Variants in PACRGL observed in about 807,000 individuals in gnomAD.
PACRGL encodes parkin coregulated like.
A neutral mutation model predicts 34.5 loss-of-function variants in PACRGL; 38 were observed. The ratio of observed to expected loss-of-function variants is 1.10; its 90% CI spans 0.85 to 1.44. The LOEUF is 1.44. Ranked by LOEUF, PACRGL falls within the 40% of genes most tolerant of loss-of-function variation. The pLI is 0.00. For synonymous variants in PACRGL, 128 were observed against 100.1 expected (o/e 1.28, Z -1.66); for missense variants, 305 against 281.4 (o/e 1.08, Z -0.60).
At chr4:20,696,481 C>T (rs10032537), upstream of PACRGL, 24,053 of 152,164 alleles carry the variant, frequency 0.16, 2,020 homozygotes, top group South Asian at 0.23. Context: ...CTCCAAGCCT[C>T]ATCCTCTCAA....
At chr4:20,747,559 T>C (rs1377861042) in intron 8 of PACRGL, among the ~76,000 whole-genome samples, 2 of 152,166 alleles carry the variant, frequency 1.3e-5, no homozygotes, top group African/African-American at 4.8e-5. Context: ...CCATCTCCTC[T>C]CCCTCCACTA....
intron 7 of PACRGL, among the ~76,000 whole-genome samples, chr4:20,717,262 A>G (rs1015075109): frequency 6.6e-6 from 1 of 151,706 alleles, no homozygotes; most frequent in Admixed American, 6.6e-5. Context: ...GATTGCAAAA[A>G]TTTTTTCCCA....
At chr4:20,720,737 T>G (rs1742670902) in intron 7 of PACRGL, among the ~76,000 whole-genome samples, 1 of 152,150 alleles carries the variant, frequency 6.6e-6, no homozygotes, top group South Asian at 2.1e-4. Flanking sequence ...ACCCAGCCTT[T>G]CCTTCTGGCT....
At chr4:20,748,526 C>T (rs1229597515) in intron 8 of PACRGL, among the ~76,000 whole-genome samples, 1 of 142,034 alleles carries the variant, frequency 7.0e-6, no homozygotes, top group Non-Finnish European at 1.5e-5. Flanking sequence ...ATGCATCCTT[C>T]CTCACTTCCA....
At chr4:20,756,918 C>G (rs1196991319), downstream of PACRGL, among the ~76,000 whole-genome samples, 1 of 151,910 alleles carries the variant, frequency 6.6e-6, no homozygotes, top group Non-Finnish European at 1.5e-5. Context: ...TTATAATTCC[C>G]CCAGTAACCT....
At chr4:20,721,337 T>A (rs999202860) in intron 7 of PACRGL, among the ~76,000 whole-genome samples, 2 of 152,214 alleles carry the variant, frequency 1.3e-5, no homozygotes, top group Non-Finnish European at 2.9e-5. Flanking sequence ...TCAAAGTCAT[T>A]CTCCGTCCAG....
At chr4:20,739,893 C>T (rs1750636687) in intron 8 of PACRGL, among the ~76,000 whole-genome samples, 1 of 152,102 alleles carries the variant, frequency 6.6e-6, no homozygotes, top group African/African-American at 2.4e-5. Flanking sequence ...GTAGAGAAGA[C>T]CTTAAATGAC....
chr4:20,711,474 T>A (rs1737160943), intron 5 of PACRGL, among the ~76,000 whole-genome samples: 1 of 152,194 alleles, frequency 6.6e-6, no homozygotes, highest in Non-Finnish European at 1.5e-5. Context: ...CACTGCTATT[T>A]GATCCAAAAT....
Position 20,729,318 on chromosome 4 carries a change from T to TGATACTAATGATTGATAC in PACRGL, c.*1978_*1995dup. 1 of 152,146 alleles carries TGATACTAATGATTGATAC rather than the reference T, an allele frequency of 6.6e-6. No homozygotes were observed. The highest frequency in any genetic ancestry group is 2.1e-4 in the South Asian group (1 of 4,790). 9.4% of individuals were successfully genotyped at this position (152,146 alleles called of 1,614,324 possible). A position where few individuals can be genotyped will look rare whatever the true frequency, so the allele number is the denominator to read the frequency against. On this transcript the variant is annotated 3_prime_UTR_variant, in exon 9 of 9. Transcript: ENST00000503585. ...CCTTCTTCAACTTCCACTTAATGAT[T>TGATACTAATGATTGATAC]GATACTAATGATTGATACAATAGAA...
intron 1 of PACRGL, among the ~76,000 whole-genome samples, chr4:20,703,485 TG>T (rs1269308314): frequency 7.4e-6 from 1 of 135,456 alleles, no homozygotes; most frequent in African/African-American, 2.6e-5. Flanking sequence ...TGAGTGTGTG[TG>T]TGTGTGTGTG....
At chr4:20,701,835 T>C in intron 1 of PACRGL, 2 of 456,630 alleles carry the variant, frequency 4.4e-6, no homozygotes, top group Non-Finnish European at 8.8e-6. Flanking sequence ...GTCAAATCTA[T>C]AGATGTGGAA....
At chr4:20,750,674 G>A (rs1430697586) in intron 8 of PACRGL, among the ~76,000 whole-genome samples, 1 of 151,872 alleles carries the variant, frequency 6.6e-6, no homozygotes, top group Non-Finnish European at 1.5e-5. Flanking sequence ...TCTGTTCTGA[G>A]TGCCTAGCTT....
At position 20,713,479 on chromosome 4, in the gene PACRGL, T is replaced by A. The variant is rs756417213; in HGVS notation, c.549T>A (p.Val183=). Residue 183 remains valine (V), a synonymous_variant, in exon 7 of 9, where the codon GTT becomes GTA. Transcript: ENST00000503585. The part of the protein sequence containing the change: ...EVFERGLNAL[V]QLSVVVGPSL... ...TTGAAAGAGGATTGAATGCTCTAGT[T>A]CAGCTAAGTGTCGTTGTTGGTCCTT... The A allele has an allele frequency of 3.1e-6, 5 of 1,613,772 alleles. No homozygotes were observed. In the Admixed American group the frequency reaches 8.3e-5, roughly 27 times the overall value.
chr4:20,717,987 T>A (rs1240797164), intron 7 of PACRGL, among the ~76,000 whole-genome samples: 1 of 152,224 alleles, frequency 6.6e-6, no homozygotes, highest in African/African-American at 2.4e-5. Flanking sequence ...TTCTTCCATT[T>A]GTTTGTGTCC....
At chr4:20,761,719 T>C in the PACRGL span, among the ~76,000 whole-genome samples, 1 of 152,192 alleles carries the variant, frequency 6.6e-6, no homozygotes, top group Non-Finnish European at 1.5e-5. Flanking sequence ...ATTTGATAGA[T>C]ATAATGTGAA....
rs1748394187 is a variant in PACRGL, at chr4:20,732,015, G to A, written c.*4674G>A. 1 of 1,613,290 alleles carries A rather than the reference G, an allele frequency of 6.2e-7. No homozygotes were observed. The highest frequency in any genetic ancestry group is 8.5e-7 in the Non-Finnish European group (1 of 1,179,636). ...CACTTTCATTACTTACTTTTTGGCA[G>A]CTTTCAATGAACTCATCTATGGTAA... On this transcript the variant is annotated 3_prime_UTR_variant, in exon 9 of 9. Transcript: ENST00000503585.
chr4:20,765,587 G>T, the PACRGL span, among the ~76,000 whole-genome samples: 2 of 152,198 alleles, frequency 1.3e-5, no homozygotes, highest in South Asian at 4.1e-4. Flanking sequence ...TGGCTAGATA[G>T]TAATGGGCTG....
chr4:20,762,870 G>A, the PACRGL span, among the ~76,000 whole-genome samples: 1 of 152,136 alleles, frequency 6.6e-6, no homozygotes, highest in Non-Finnish European at 1.5e-5. Context: ...TGACTCACAG[G>A]TCAGCATCCC....
chr4:20,725,735 T>G (rs1214281298), intron 8 of PACRGL, among the ~76,000 whole-genome samples: 2 of 152,012 alleles, frequency 1.3e-5, no homozygotes, highest in Admixed American at 1.3e-4. Context: ...AATACCTCAT[T>G]TGACCAATCT....
Sources: allele counts gnomAD v4.1 joint callset (sites outside exome capture counted in the v4.1 genomes callset), GRCh38; gene constraint gnomAD v4.1.1; transcripts MANE v1.5; gene names NCBI Gene and HGNC (gene_info 2026-07-23, HGNC 2026-07-21).